ATAD2: variants seen among roughly 807,000 people sequenced by gnomAD.
ATAD2 encodes the protein ATPase family AAA domain-containing protein 2.
In ATAD2, 62 loss-of-function variants were observed where a neutral mutation model predicts 168.9. That is an observed-to-expected ratio of 0.37 (90% CI 0.30 to 0.45). The LOEUF (loss-of-function observed/expected upper bound fraction) is 0.45. Among genes scored for constraint, ATAD2 ranks in the 20% least tolerant of loss-of-function variants. The pLI, the probability that ATAD2 is intolerant of heterozygous loss-of-function variation, is 1.00. For synonymous variants in ATAD2, 613 were observed against 571.6 expected, an observed-to-expected ratio of 1.07 and a Z score of -1.03; for missense variants, 1,419 against 1,667.8, an observed-to-expected ratio of 0.85 and a Z score of 2.60.
intron 1 of ATAD2, among the ~76,000 whole-genome samples, chr8:123,387,313 T>C (rs903788554): frequency 6.6e-6 from 1 of 152,294 alleles, no homozygotes; most frequent in African/African-American, 2.4e-5. Flanking sequence ...TTAGGTTGCC[T>C]GCAATTTTTT....
intron 1 of ATAD2, chr8:123,401,542 G>A: frequency 1.9e-6 from 3 of 1,549,586 alleles, no homozygotes; most frequent in South Asian, 2.3e-5. Context: ...CTGTGTGTGG[G>A]CATAGGCTGC....
chr8:123,323,034 T>C lies in ATAD2; in HGVS notation c.4035A>G (p.Gln1345=), dbSNP rs377713802. The C allele has an allele frequency of 4.3e-6, 7 of 1,612,248 alleles. No homozygotes were observed. In the East Asian group the frequency reaches 8.9e-5, roughly 21 times the overall value. The change falls in exon 27 of 28, where the codon CAA becomes CAG. Residue 1345 remains glutamine, a synonymous_variant. Transcript: ENST00000287394. ...NLLKTVVKKS[Q]NYNIFQLENL... is the part of the protein sequence containing the mutation. ...TTTCCAACTGAAATATGTTGTAGTT[T>C]TGACTTTTTTTAACAACAGTCTTCA... is the stretch of plus-strand genomic sequence containing the variant.
chr8:123,343,614 A>G (rs914552517), intron 19 of ATAD2, among the ~76,000 whole-genome samples: 1 of 152,338 alleles, frequency 6.6e-6, no homozygotes, highest in Admixed American at 6.5e-5. Flanking sequence ...AAAAAAAACC[A>G]TTAAACTCAT....
intron 19 of ATAD2, 27 bp downstream of exon 19, chr8:123,344,857 A>C: frequency 6.2e-7 from 1 of 1,607,146 alleles, no homozygotes; most frequent in Non-Finnish European, 8.5e-7. Context: ...TTTTGAAAGT[A>C]TAATGATACC....
At chr8:123,409,958 G>A (rs1179033844) in intron 1 of ATAD2, among the ~76,000 whole-genome samples, 14 of 117,408 alleles carry the variant, frequency 1.2e-4, no homozygotes, top group Non-Finnish European at 2.0e-4. Flanking sequence ...AAAAAAAAAA[G>A]CATTAAAAGC....
chr8:123,401,388 C>T, upstream of ATAD2: 1 of 1,399,276 alleles, frequency 7.1e-7, no homozygotes, highest in Non-Finnish European at 1.0e-6. Context: ...ACGTCATAGT[C>T]TTGGACTTGT....
At chr8:123,386,982 T>G (rs1213606135) in intron 1 of ATAD2, among the ~76,000 whole-genome samples, 1 of 151,670 alleles carries the variant, frequency 6.6e-6, no homozygotes, top group African/African-American at 2.4e-5. Flanking sequence ...TAAATGCATC[T>G]TTCAAAAACA....
At chr8:123,407,823 A>G (rs1813087976) in intron 1 of ATAD2, among the ~76,000 whole-genome samples, 1 of 151,170 alleles carries the variant, frequency 6.6e-6, no homozygotes, top group South Asian at 2.1e-4. Context: ...ACTGCACTCC[A>G]GCTTGGGTGA....
At chr8:123,323,839 T>C (rs1827537265) in intron 26 of ATAD2, among the ~76,000 whole-genome samples, 2 of 152,212 alleles carry the variant, frequency 1.3e-5, no homozygotes, top group South Asian at 4.1e-4. Context: ...CTAATGGATA[T>C]ATGGTACTAT....
At chr8:123,346,536 C>CT in intron 17 of ATAD2, 82 bp downstream of exon 17, 1 of 1,311,042 alleles carries the variant, frequency 7.6e-7, no homozygotes, top group Non-Finnish European at 1.0e-6. Context: ...TTGGTTAGCA[C>CT]TTTTTATTTT....
At chr8:123,415,677 C>A (rs953432622) in intron 1 of ATAD2, among the ~76,000 whole-genome samples, 1 of 152,146 alleles carries the variant, frequency 6.6e-6, no homozygotes, top group African/African-American at 2.4e-5. Flanking sequence ...TCACTGCAAC[C>A]TCCGCCTCCC....
chr8:123,323,476 TC>T (rs1827528437), intron 26 of ATAD2, among the ~76,000 whole-genome samples: 1 of 152,206 alleles, frequency 6.6e-6, no homozygotes, highest in African/African-American at 2.4e-5. Context: ...GTGAACTACC[TC>T]ACCACTTCAG....
In ATAD2 at chr8:123,366,897, A is replaced by T. The variant is rs552210704; in HGVS notation, c.1049+2161T>A. Among the ~76,000 whole-genome samples, 34 of 149,996 alleles carry T rather than the reference A, an allele frequency of 2.3e-4. 1 individual carries two copies. Among genetic ancestry groups the T allele is most frequent in the Admixed American group, 6.0e-4 (9 of 15,006 alleles). ...AAAAACCTACGGAAATAAAAAATTT[A>T]AAAAAAAAAGAGGAAAAGAGGGGCT... On this transcript the variant is annotated intron_variant, in intron 8 of 27. Coordinates refer to ENST00000287394, the MANE Select transcript of ATAD2 (RefSeq NM_014109.4).
chr8:123,380,593 C>CT lies in ATAD2; in HGVS notation c.255dup (p.Asp86ArgfsTer3), dbSNP rs748220905. ...TCCACATTCTTCTCAAAACTAGAAT[C>CT]TGAAGAATTCTGTGCATCTTTTCTC... is the stretch of plus-strand genomic sequence containing the variant. On this transcript the variant is annotated frameshift_variant, in exon 2 of 28. Transcript: ENST00000287394. LOFTEE classifies it high-confidence loss of function. The CT allele has an allele frequency of 6.2e-7, 1 of 1,613,984 alleles. No homozygotes were observed. The highest frequency in any genetic ancestry group is 8.5e-7 in the Non-Finnish European group (1 of 1,179,904).
At chr8:123,325,279 ATTAT>A (rs1222329248) in intron 26 of ATAD2, among the ~76,000 whole-genome samples, 1 of 146,724 alleles carries the variant, frequency 6.8e-6, no homozygotes, top group African/African-American at 2.6e-5. Flanking sequence ...TGTTTTATCT[ATTAT>A]TTATTTATTT....
intron 13 of ATAD2, among the ~76,000 whole-genome samples, chr8:123,353,101 C>G (rs1007220291): frequency 1.4e-5 from 2 of 144,054 alleles, no homozygotes; most frequent in African/African-American, 5.2e-5. Context: ...TGGTGGGTCA[C>G]GCCTGTAATC....
chr8:123,398,226 C>CTTTTT (rs1188897965), upstream of ATAD2, among the ~76,000 whole-genome samples: 57 of 101,746 alleles, frequency 5.6e-4, no homozygotes, highest in Non-Finnish European at 7.0e-4. Context: ...GGTTCTTGTT[C>CTTTTT]TTTTTTTTTT....
rs1586872748 is a variant in ATAD2 at position 123,349,300 on chromosome 8, G to C, written c.1791C>G (p.Ser597Arg). Residue 597 changes from serine (S) to arginine (R), a missense_variant, in exon 14 of 28, where the codon AGC becomes AGG. By Grantham distance (110) the Ser-to-Arg change is moderately radical (BLOSUM62 -1). Coordinates refer to ENST00000287394, the MANE Select transcript of ATAD2 (RefSeq NM_014109.4). ...PGRFDREFLF[S>R]LPDKEARKEI... Reference sequence around the variant, plus strand: ...AAATTCTTACCTCTTTATCAGGCAGGCTAAAGAGGAATTCTCTATCAAAGC... The same window carrying C: ...AAATTCTTACCTCTTTATCAGGCAGCCTAAAGAGGAATTCTCTATCAAAGC... 1 of 1,613,544 alleles carries C rather than the reference G, an allele frequency of 6.2e-7. No individual in the cohort carries two copies. Among genetic ancestry groups the C allele is most frequent in the East Asian group, 2.2e-5 (1 of 44,850 alleles).
Position 123,334,325 on chromosome 8 carries a change from A to G in ATAD2, c.3212-3T>C. ...GGCTCTATGCCTAATAAGACGATCTATGAAGTGAGTAAAAAATGTAATTTT... is the reference window on the plus strand; with the variant it reads ...GGCTCTATGCCTAATAAGACGATCTGTGAAGTGAGTAAAAAATGTAATTTT... On this transcript the variant is annotated splice_region_variant and splice_polypyrimidine_tract_variant and intron_variant, in intron 22 of 27. Transcript: ENST00000287394. The G allele has an allele frequency of 6.6e-7, 1 of 1,513,144 alleles. No homozygotes were observed. The allele number at this position is 1,513,144 out of a possible 1,614,324, so 93.7% of individuals were successfully genotyped here. A position where few individuals can be genotyped will look rare whatever the true frequency, so the allele number is the denominator to read the frequency against.
Sources: gnomAD v4.1 joint callset for allele counts (sites outside exome capture counted in the v4.1 genomes callset) on GRCh38, gnomAD v4.1.1 for gene constraint, MANE v1.5 for transcripts, NCBI Gene and HGNC (gene_info 2026-07-23, HGNC 2026-07-21) for gene names.